Variants in NCK2 observed in about 807,000 individuals in gnomAD.
The protein encoded by NCK2 is NCK adaptor protein 2.
A neutral mutation model predicts 33.9 loss-of-function variants in NCK2; 16 were observed. The ratio of observed to expected loss-of-function variants is 0.47; its 90% confidence interval spans 0.32 to 0.72. NCK2 has a LOEUF of 0.72. NCK2 is among the 30% of genes least tolerant of loss of function. The probability of loss-of-function intolerance (pLI) is 0.03; values close to 1 mark genes in which losing one functional copy is unlikely to be tolerated. For synonymous variants in NCK2, 273 were observed against 239.9 expected (o/e 1.14, Z -1.27); for missense variants, 418 against 537.3 (o/e 0.78, Z 2.19).
chr2:105,808,646 G>C (rs1037729141), intron 1 of NCK2, among the ~76,000 whole-genome samples: 6 of 152,192 alleles, frequency 3.9e-5, no homozygotes, highest in Non-Finnish European at 8.8e-5. Context: ...GGATCACCCA[G>C]CGTCTTCAGT....
chr2:105,840,963 G>A (rs978427873), intron 2 of NCK2, among the ~76,000 whole-genome samples: 2 of 150,074 alleles, frequency 1.3e-5, no homozygotes, highest in African/African-American at 5.1e-5. Flanking sequence ...TCCTTTCCTG[G>A]CTTCCCAGAA....
intron 3 of NCK2, among the ~76,000 whole-genome samples, chr2:105,876,921 C>T (rs566671967): frequency 4.6e-5 from 7 of 152,258 alleles, no homozygotes; most frequent in South Asian, 4.2e-4. Context: ...TCGGTCTGGA[C>T]GCACAGCTGC....
In NCK2 at chr2:105,760,876, C is replaced by T. The variant is rs1689745033; in HGVS notation, c.-201+15738C>T. On this transcript the variant is annotated intron_variant, in intron 1 of 4. Transcript: ENST00000233154. ...AAATAAAAAATCACCGAAAAATCTTCATAGTTTCTACATGTGTCATGCCTT... is the reference window on the plus strand; with the variant it reads ...AAATAAAAAATCACCGAAAAATCTTTATAGTTTCTACATGTGTCATGCCTT... Among the ~76,000 whole-genome samples the T allele has an allele frequency of 1.3e-5, 2 of 151,982 alleles. 1 individual carries two copies. Among genetic ancestry groups the T allele is most frequent in the South Asian group, 4.2e-4 (2 of 4,816 alleles).
chr2:105,850,185 T>C (rs186717214), intron 2 of NCK2, among the ~76,000 whole-genome samples: 13 of 152,302 alleles, frequency 8.5e-5, no homozygotes, highest in Admixed American at 2.6e-4. Context: ...TCTTCTGTAA[T>C]ATTTGGTTCA....
intron 2 of NCK2, among the ~76,000 whole-genome samples, chr2:105,842,045 G>A (rs1460301852): frequency 2.6e-5 from 4 of 152,108 alleles, no homozygotes; most frequent in African/African-American, 9.7e-5. Context: ...AAGCAGACCT[G>A]AGATGTGGTG....
chr2:105,764,938 T>G (rs1689890904), intron 1 of NCK2, among the ~76,000 whole-genome samples: 1 of 152,342 alleles, frequency 6.6e-6, no homozygotes, highest in South Asian at 2.1e-4. Flanking sequence ...AGTAGTGTGC[T>G]CATTTGGACA....
At chr2:105,886,659 ATCAC>A (rs763206461) in intron 4 of NCK2, among the ~76,000 whole-genome samples, 22 of 152,232 alleles carry the variant, frequency 1.4e-4, no homozygotes, top group Non-Finnish European at 2.8e-4. Flanking sequence ...ACTTAAATGT[ATCAC>A]TCAGTCACAT....
intron 1 of NCK2, among the ~76,000 whole-genome samples, chr2:105,777,919 G>A (rs945189427): frequency 1.3e-5 from 2 of 152,158 alleles, no homozygotes; most frequent in Non-Finnish European, 1.5e-5. Flanking sequence ...CCTTGGTTTC[G>A]CCTAGCCGTT....
intron 3 of NCK2, among the ~76,000 whole-genome samples, chr2:105,858,298 G>C (rs149625626): frequency 6.6e-6 from 1 of 152,220 alleles, no homozygotes; most frequent in Non-Finnish European, 1.5e-5. Context: ...TCACTCTGTT[G>C]CCTAGGCTGG....
chr2:105,861,513 CTTTT>C (rs35044148), intron 3 of NCK2, among the ~76,000 whole-genome samples: 4 of 114,488 alleles, frequency 3.5e-5, no homozygotes, highest in Admixed American at 9.3e-5. Flanking sequence ...AGGTTTTTCT[CTTTT>C]TTTTTTTTTT....
intron 1 of NCK2, among the ~76,000 whole-genome samples, chr2:105,757,207 G>A (rs1380383064): frequency 6.6e-6 from 1 of 152,108 alleles, no homozygotes; most frequent in South Asian, 2.1e-4. Flanking sequence ...TACTAATTTG[G>A]CTAAAATTGC....
chr2:105,804,199 C>A (rs1010744389), intron 1 of NCK2, among the ~76,000 whole-genome samples: 2 of 152,098 alleles, frequency 1.3e-5, no homozygotes, highest in Non-Finnish European at 1.5e-5. Flanking sequence ...GTTTTCTGGG[C>A]CTGTTTCCTC....
At position 105,808,360 on chromosome 2, in the gene NCK2, G is replaced by A. The variant is rs528279182; in HGVS notation, c.-200-8070G>A. On this transcript the variant is annotated intron_variant, in intron 1 of 4. Transcript: ENST00000233154. ...CTTCAAAAGGGCCATGGACCCTGTA[G>A]AAAATCCCATTTGAAAATGACAGCC... Among the ~76,000 whole-genome samples, 4 of 152,322 alleles carry A rather than the reference G, an allele frequency of 2.6e-5. No individual in the cohort carries two copies. In the East Asian group the frequency reaches 5.8e-4, roughly 22 times the overall value.
intron 1 of NCK2, among the ~76,000 whole-genome samples, chr2:105,792,754 T>C (rs965222899): frequency 1.3e-5 from 2 of 152,160 alleles, no homozygotes; most frequent in African/African-American, 4.8e-5. Flanking sequence ...CTGGTGCGAT[T>C]TTCTGGCAAG....
Position 105,839,878 on chromosome 2 carries a change from G to C in NCK2, c.-16-15170G>C, listed in dbSNP as rs200150936. 1.3e-4 allele frequency among the ~76,000 whole-genome samples: 20 copies of C among 152,314 alleles called. No homozygotes were observed. The East Asian group carries it at 3.9e-3, about 29-fold the overall frequency. Reference sequence around the variant, plus strand: ...AGTGAGCCAGAAAACTAAGAAGGAAGGGTCAGCAAGGGACAGGCAGCAGGG... The same window carrying C: ...AGTGAGCCAGAAAACTAAGAAGGAACGGTCAGCAAGGGACAGGCAGCAGGG... On this transcript the variant is annotated intron_variant, in intron 2 of 4. Coordinates refer to ENST00000233154, the MANE Select transcript of NCK2 (RefSeq NM_003581.5).
intron 4 of NCK2, among the ~76,000 whole-genome samples, chr2:105,887,964 T>TG (rs1678786358): frequency 6.6e-6 from 1 of 152,160 alleles, no homozygotes; most frequent in Non-Finnish European, 1.5e-5. Flanking sequence ...GAATGAATAA[T>TG]GGAAGAGGTA....
At chr2:105,838,636 A>C (rs1369354660) in intron 2 of NCK2, among the ~76,000 whole-genome samples, 1 of 152,250 alleles carries the variant, frequency 6.6e-6, no homozygotes, top group Non-Finnish European at 1.5e-5. Context: ...TTTTAAATGA[A>C]GCACCTTAAA....
rs1304242571 is a variant in NCK2 at position 105,893,987 on chromosome 2, ACACACACACGTG to A, written c.*821_*832del. 1 of 124,470 alleles carries A rather than the reference ACACACACACGTG, an allele frequency of 8.0e-6. No individual in the cohort carries two copies. Among genetic ancestry groups the A allele is most frequent in the African/African-American group, 3.1e-5 (1 of 32,168 alleles). 7.7% of individuals were successfully genotyped at this position (124,470 alleles called of 1,614,324 possible). A position where few individuals can be genotyped will look rare whatever the true frequency, so the allele number is the denominator to read the frequency against. On this transcript the variant is annotated 3_prime_UTR_variant, in exon 5 of 5. Transcript: ENST00000233154. ...GAAGGGAGCTACCAACACTTTATAC[ACACACACACGTG>A]CACACACACACACACACACACTATA...
chr2:105,869,864 C>A (rs528415300), intron 3 of NCK2, among the ~76,000 whole-genome samples: 44 of 152,112 alleles, frequency 2.9e-4, no homozygotes, highest in African/African-American at 1.0e-3. Context: ...ATCTGTGTTC[C>A]CATTTGACTT....
Sources: allele counts gnomAD v4.1 joint callset (sites outside exome capture counted in the v4.1 genomes callset), GRCh38; gene constraint gnomAD v4.1.1; transcripts MANE v1.5; gene names NCBI Gene and HGNC (gene_info 2026-07-23, HGNC 2026-07-21).